ICA1: variants seen among roughly 807,000 people sequenced by gnomAD.
The protein encoded by ICA1 is 69 kDa islet cell autoantigen.
Under a neutral mutation model 71.0 loss-of-function variants are expected in ICA1, and 40 were observed. The ratio of observed to expected loss-of-function variants is 0.56; its 90% CI spans 0.44 to 0.73. The LOEUF is 0.73. Among genes scored for constraint, ICA1 ranks in the 30% least tolerant of loss-of-function variants. The probability of loss-of-function intolerance (pLI) is 0.00; values close to 1 mark genes in which losing one functional copy is unlikely to be tolerated. For missense variants in ICA1, 578 were observed against 576.5 expected (o/e 1.00, Z -0.03); for synonymous variants, 207 against 209.5 (o/e 0.99, Z 0.10).
Position 8,157,225 on chromosome 7 carries a change from A to G in ICA1, c.706-11T>C. On this transcript the variant is annotated splice_polypyrimidine_tract_variant and intron_variant, in intron 7 of 13. Coordinates refer to ENST00000402384, the MANE Select transcript of ICA1 (RefSeq NM_001136020.3). ...ATGAAGCAGAGTGGTCTGCAAAGAAAGACAGTAAAGCTATTAATGTTTTGA... is the reference window on the plus strand; with the variant it reads ...ATGAAGCAGAGTGGTCTGCAAAGAAGGACAGTAAAGCTATTAATGTTTTGA... 1.9e-6 allele frequency: 3 copies of G among 1,592,574 alleles called. No homozygotes were observed. Among genetic ancestry groups the G allele is most frequent in the Non-Finnish European group, 2.6e-6 (3 of 1,172,554 alleles).
chr7:8,114,339 C>T (rs767971382), intron 13 of ICA1, among the ~76,000 whole-genome samples: 5 of 152,170 alleles, frequency 3.3e-5, no homozygotes, highest in African/African-American at 9.7e-5. Flanking sequence ...ATCAAACCCT[C>T]GGGCCCTGCC....
intron 6 of ICA1, among the ~76,000 whole-genome samples, chr7:8,164,200 A>T (rs1331644285): frequency 1.4e-5 from 2 of 147,452 alleles, no homozygotes; most frequent in Non-Finnish European, 3.0e-5. Flanking sequence ...GCTACTCAGG[A>T]GGCTGAGGCA....
At chr7:8,229,638 C>T (rs1307575737) in intron 3 of ICA1, among the ~76,000 whole-genome samples, 5 of 152,340 alleles carry the variant, frequency 3.3e-5, no homozygotes, top group Non-Finnish European at 5.9e-5. Context: ...TTTGCGTGAA[C>T]ACAGATGATC....
At position 8,227,052 on chromosome 7, in the gene ICA1, TAAA is replaced by T. The variant is rs150812369; in HGVS notation, c.256+1546_256+1548del. Among the ~76,000 whole-genome samples the T allele has an allele frequency of 1.5e-3, 235 of 152,278 alleles. 1 individual carries two copies. Among genetic ancestry groups the T allele is most frequent in the African/African-American group, 5.5e-3 (227 of 41,562 alleles). ...ACACACCAACTTCATGTGACTTACTTAAAAAAATAAAGTTACAATTTTCTAAAT... is the reference window on the plus strand; with the variant it reads ...ACACACCAACTTCATGTGACTTACTTAAAATAAAGTTACAATTTTCTAAAT... On this transcript the variant is annotated intron_variant, in intron 4 of 13. Transcript: ENST00000402384.
chr7:8,236,703 C>T (rs1266977721), intron 1 of ICA1: 2 of 152,236 alleles, frequency 1.3e-5, no homozygotes, highest in East Asian at 3.8e-4. Context: ...ATATTTATCT[C>T]GTTAGTAAAT....
At chr7:8,228,204 C>T (rs527573429) in intron 4 of ICA1, among the ~76,000 whole-genome samples, 2 of 152,064 alleles carry the variant, frequency 1.3e-5, no homozygotes, top group South Asian at 4.2e-4. Flanking sequence ...ATGTTGTCAA[C>T]AAAATGTCAT....
chr7:8,187,872 T>C (rs984399514), intron 6 of ICA1, among the ~76,000 whole-genome samples: 3 of 152,242 alleles, frequency 2.0e-5, no homozygotes, highest in African/African-American at 7.2e-5. Flanking sequence ...CCCATTGTTA[T>C]CTTATGGGAC....
intron 1 of ICA1, among the ~76,000 whole-genome samples, chr7:8,239,607 G>C (rs1264649435): frequency 6.6e-6 from 1 of 152,222 alleles, no homozygotes; most frequent in Admixed American, 6.5e-5. Context: ...TTCTCACCCA[G>C]GAAGTGCAAG....
At chr7:8,147,448 CTACTAT>C (rs746433714) in intron 8 of ICA1, among the ~76,000 whole-genome samples, 7 of 152,010 alleles carry the variant, frequency 4.6e-5, no homozygotes, top group Non-Finnish European at 7.4e-5. Context: ...TCCTCTCTTC[CTACTAT>C]TACTATTATT....
At chr7:8,262,051 G>A (rs1035016072) in intron 1 of ICA1, 43 bp downstream of exon 1, 2 of 152,142 alleles carry the variant, frequency 1.3e-5, no homozygotes, top group Non-Finnish European at 2.9e-5. Flanking sequence ...GCTTCCTGCA[G>A]CCCGCCCGGC....
chr7:8,246,811 A>C (rs1472412806), intron 1 of ICA1, among the ~76,000 whole-genome samples: 2 of 152,188 alleles, frequency 1.3e-5, no homozygotes, highest in African/African-American at 4.8e-5. Flanking sequence ...TAGTGGTGCG[A>C]TCTCGGCTCA....
rs372297914 is a variant in ICA1 at position 8,114,857 on chromosome 7, T to C, written c.1331-813A>G. ...TAAGTTCATTGGCTTGGATGACCTG[T>C]GTTTTTTTCTTCTCCAACAGGTGGG... On this transcript the variant is annotated intron_variant, in intron 13 of 13. Transcript: ENST00000402384. The C allele has an allele frequency of 1.8e-4, 28 of 152,368 alleles. No individual in the cohort carries two copies. The East Asian group carries it at 2.5e-3, about 14-fold the overall frequency. 9.4% of individuals were successfully genotyped at this position (152,368 alleles called of 1,614,324 possible). A position where few individuals can be genotyped will look rare whatever the true frequency, so the allele number is the denominator to read the frequency against.
In ICA1 at chr7:8,226,340, C is replaced by CTAGATA. The variant is rs199854454; in HGVS notation, c.256+2255_256+2260dup. 8.9e-3 allele frequency among the ~76,000 whole-genome samples: 1,354 copies of CTAGATA among 151,926 alleles called. 16 individuals are homozygous for CTAGATA. Among genetic ancestry groups the CTAGATA allele is most frequent in the African/African-American group, 0.029 (1,215 of 41,392 alleles). ...TTTGCACAATGAGCAGGCTTGCTCT[C>CTAGATA]TAGATATAGATATAGATATAGATGG... On this transcript the variant is annotated intron_variant, in intron 4 of 13. Coordinates refer to ENST00000402384, the MANE Select transcript of ICA1 (RefSeq NM_001136020.3). The surrounding 1 kb of genome is among the most constrained non-coding windows in gnomAD (Gnocchi z 4.4).
intron 6 of ICA1, among the ~76,000 whole-genome samples, chr7:8,215,111 C>A (rs1243793452): frequency 6.6e-6 from 1 of 152,050 alleles, no homozygotes; most frequent in African/African-American, 2.4e-5. Context: ...ACAAAGAACA[C>A]AAACCTGATC....
At chr7:8,162,757 TA>T (rs1804354818) in intron 6 of ICA1, among the ~76,000 whole-genome samples, 3 of 152,174 alleles carry the variant, frequency 2.0e-5, no homozygotes, top group Non-Finnish European at 4.4e-5. Flanking sequence ...CTCCAAGTTG[TA>T]GGAAATGGTC....
chr7:8,211,714 A>G (rs1052617766), intron 6 of ICA1, among the ~76,000 whole-genome samples: 14 of 152,378 alleles, frequency 9.2e-5, no homozygotes, highest in African/African-American at 3.4e-4. Flanking sequence ...CAATTAAAAA[A>G]TTTTAAAACC....
At chr7:8,233,038 C>T (rs1800749420) in intron 2 of ICA1, among the ~76,000 whole-genome samples, 1 of 152,140 alleles carries the variant, frequency 6.6e-6, no homozygotes, top group South Asian at 2.1e-4. Context: ...TAAGCACACC[C>T]CTTTTAGAGG....
At chr7:8,241,308 G>C (rs201592528) in intron 1 of ICA1, among the ~76,000 whole-genome samples, 1 of 152,126 alleles carries the variant, frequency 6.6e-6, no homozygotes, top group Non-Finnish European at 1.5e-5. Context: ...TCATATCCAG[G>C]CAAACTAAGC....
In ICA1 at chr7:8,204,372, C is replaced by T. The variant is rs892252138; in HGVS notation, c.579+13933G>A. ...CTATGGGCAAGTCAGTCATGGCTGC[C>T]CTGTGGTCTTATCTGTGAAATGGGA... On this transcript the variant is annotated intron_variant, in intron 6 of 13. Coordinates refer to ENST00000402384, the MANE Select transcript of ICA1 (RefSeq NM_001136020.3). Among the ~76,000 whole-genome samples, 3 of 152,284 alleles carry T rather than the reference C, an allele frequency of 2.0e-5. No homozygotes were observed. The East Asian group carries it at 5.8e-4, about 29-fold the overall frequency.
Sources: allele counts gnomAD v4.1 joint callset (sites outside exome capture counted in the v4.1 genomes callset), GRCh38; gene constraint gnomAD v4.1.1; non-coding constraint Gnocchi (gnomAD v3.1); transcripts MANE v1.5; gene names NCBI Gene and HGNC (gene_info 2026-07-23, HGNC 2026-07-21).